NDUFAF1: variants seen among roughly 807,000 people sequenced by gnomAD.
The protein encoded by NDUFAF1 is NADH:ubiquinone oxidoreductase complex assembly factor 1.
NDUFAF1 carries 18 observed loss-of-function variants against 28.7 expected under a neutral mutation model. The observed-to-expected ratio is 0.63, with a 90% confidence interval of 0.43 to 0.93. The LOEUF is 0.93. Ranked by LOEUF, NDUFAF1 falls within the 40% of genes least tolerant of loss-of-function variation. The pLI is 0.00. For synonymous variants in NDUFAF1, 113 were observed against 139.7 expected (o/e 0.81, Z 1.35); for missense variants, 404 against 398.3 (o/e 1.01, Z -0.12).
rs571023359 is a variant in NDUFAF1, at chr15:41,402,479, A to G, written c.-417T>C. ...AGCCTATAGTGTACCTTCCGCCCAG[A>G]AGCCACTTTACCCGTATAGGTCCAT... On this transcript the variant is annotated 5_prime_UTR_variant, in exon 1 of 5. Transcript: ENST00000260361. 7.9e-6 allele frequency: 3 copies of G among 379,562 alleles called. No homozygotes were observed. The East Asian group carries it at 2.2e-4, about 28-fold the overall frequency. The allele number at this position is 379,562 out of a possible 1,614,324, so 23.5% of individuals were successfully genotyped here. A position where few individuals can be genotyped will look rare whatever the true frequency, so the allele number is the denominator to read the frequency against.
intron 1 of NDUFAF1, among the ~76,000 whole-genome samples, chr15:41,399,290 G>C (rs2050430590): frequency 6.6e-6 from 1 of 152,026 alleles, no homozygotes; most frequent in African/African-American, 2.4e-5. Flanking sequence ...CAGCTACTTG[G>C]GAGGCCTAGG....
intron 1 of NDUFAF1, 96 bp from the exon 2 acceptor site, chr15:41,397,236 CTTAT>C (rs1050244779): frequency 2.3e-5 from 14 of 610,218 alleles, no homozygotes; most frequent in African/African-American, 5.5e-5. Context: ...AGTTTGTTAA[CTTAT>C]TTGTTTACTA....
Position 41,387,548 on chromosome 15 carries a change from A to G in NDUFAF1, c.880T>C (p.Phe294Leu). 9 of 1,612,284 alleles carry G rather than the reference A, an allele frequency of 5.6e-6. No individual in the cohort carries two copies. Among genetic ancestry groups the G allele is most frequent in the Non-Finnish European group, 7.6e-6 (9 of 1,178,344 alleles). Residue 294 changes from phenylalanine to leucine, a missense_variant, in exon 5 of 5, where the codon TTC becomes CTC. Phe to Leu is a conservative substitution (Grantham distance 22). Transcript: ENST00000260361. ...FTLADKVDGP[F>L]FLEIDFIGVF... ...CCAATAAAATCTATCTCCAGGAAGA[A>G]TGGACCATCCACTTTATCAGCCAAG...
intron 3 of NDUFAF1, among the ~76,000 whole-genome samples, chr15:41,393,243 G>GC (rs1182409013): frequency 2.7e-5 from 4 of 147,892 alleles, no homozygotes; most frequent in Non-Finnish European, 5.9e-5. Flanking sequence ...TCCTGCCTCA[G>GC]CCCCCCTAGT....
At chr15:41,400,707 TTTTGG>T (rs1320764320) in intron 1 of NDUFAF1, among the ~76,000 whole-genome samples, 1 of 141,736 alleles carries the variant, frequency 7.1e-6, no homozygotes, top group East Asian at 2.1e-4. Context: ...TTTTTTTTTT[TTTTGG>T]ATTTTTAATA....
chr15:41,388,331 A>G, intron 4 of NDUFAF1, 117 bp downstream of exon 4: 1 of 810,864 alleles, frequency 1.2e-6, no homozygotes, highest in South Asian at 1.5e-5. Context: ...GTATAAGAGC[A>G]GTGGCCCTGA....
chr15:41,402,458 T>C lies in NDUFAF1; in HGVS notation c.-396A>G, dbSNP rs1295356828. The C allele has an allele frequency of 7.4e-6, 3 of 407,390 alleles. No homozygotes were observed. Among genetic ancestry groups the C allele is most frequent in the African/African-American group, 6.2e-5 (3 of 48,488 alleles). The allele number at this position is 407,390 out of a possible 1,614,324, so 25.2% of individuals were successfully genotyped here. A position where few individuals can be genotyped will look rare whatever the true frequency, so the allele number is the denominator to read the frequency against. ...CTGCCGCCGCTTACCTCCCCGAGCC[T>C]ATAGTGTACCTTCCGCCCAGAAGCC... On this transcript the variant is annotated 5_prime_UTR_variant, in exon 1 of 5. The change creates a new upstream start codon in the 5' untranslated region. Transcript: ENST00000260361.
intron 1 of NDUFAF1, among the ~76,000 whole-genome samples, chr15:41,401,122 ATTTTTG>A (rs955133784): frequency 1.0e-4 from 15 of 144,920 alleles, no homozygotes; most frequent in African/African-American, 2.6e-4. Context: ...TGCCCGGCTA[ATTTTTG>A]TTTTTGTTTT....
intron 1 of NDUFAF1, among the ~76,000 whole-genome samples, chr15:41,399,008 G>A (rs978213387): frequency 6.6e-6 from 1 of 152,054 alleles, no homozygotes; most frequent in Non-Finnish European, 1.5e-5. Context: ...GCTCACACCT[G>A]TAATCCCAGC....
intron 2 of NDUFAF1, among the ~76,000 whole-genome samples, chr15:41,395,718 A>G (rs1289763401): frequency 8.2e-6 from 1 of 121,680 alleles, no homozygotes; most frequent in Non-Finnish European, 1.6e-5. Flanking sequence ...CTTGTTGCCC[A>G]GACTGGAGTG....
At chr15:41,393,471 TAG>T (rs1778304241) in intron 3 of NDUFAF1, among the ~76,000 whole-genome samples, 1 of 151,488 alleles carries the variant, frequency 6.6e-6, no homozygotes, top group African/African-American at 2.4e-5. Context: ...ATTTTTTTAG[TAG>T]AGACGGGGTT....
At chr15:41,392,383 T>C (rs529498067) in intron 3 of NDUFAF1, among the ~76,000 whole-genome samples, 21 of 152,200 alleles carry the variant, frequency 1.4e-4, no homozygotes, top group African/African-American at 5.1e-4. Context: ...CTGGACTTTA[T>C]TCGAATTGTA....
chr15:41,397,107 C>T lies in NDUFAF1; in HGVS notation c.-48G>A. 6.5e-7 allele frequency: 1 copy of T among 1,543,952 alleles called. No homozygotes were observed. The highest frequency in any genetic ancestry group is 8.9e-7 in the Non-Finnish European group (1 of 1,122,872). ...AGTTTCTTCCTGGGCTAGCAAGGGC[C>T]ACCAAGAAGCTTCAGCAAATAGCCC... On this transcript the variant is annotated 5_prime_UTR_variant, in exon 2 of 5. Coordinates refer to ENST00000260361, the MANE Select transcript of NDUFAF1 (RefSeq NM_016013.4).
rs763975252 is a variant in NDUFAF1, at chr15:41,396,870, G to A, written c.190C>T (p.Gln64Ter). 4 of 1,613,960 alleles carry A rather than the reference G, an allele frequency of 2.5e-6. No homozygotes were observed. In the Admixed American group the frequency reaches 5.0e-5, roughly 20 times the overall value. ...KTEGDLQGDH[Q>*]KEVALDITSS... ...GTTATATCCAAAGCAACTTCTTTCT[G>A]GTGATCTCCTTGCAAATCCCCTTCA... The change falls in exon 2 of 5, where the codon CAG becomes TAG. Residue 64 changes from glutamine (Q) to a stop codon, truncating the protein, a stop_gained. Coordinates refer to ENST00000260361, the MANE Select transcript of NDUFAF1 (RefSeq NM_016013.4). LOFTEE classifies it high-confidence loss of function.
chr15:41,394,259 C>T, intron 3 of NDUFAF1: 1 of 755,842 alleles, frequency 1.3e-6, no homozygotes, highest in Non-Finnish European at 2.0e-6. Flanking sequence ...GTGTCGAACT[C>T]CCAACCTCAA....
At chr15:41,388,644 A>T in intron 3 of NDUFAF1, 122 bp from the exon 4 acceptor site, 1 of 704,290 alleles carries the variant, frequency 1.4e-6, no homozygotes, top group Non-Finnish European at 2.5e-6. Context: ...GTATTATGAC[A>T]AATGGCTAGC....
chr15:41,394,728 A>G (rs1477129879), intron 3 of NDUFAF1, 131 bp downstream of exon 3: 3 of 829,254 alleles, frequency 3.6e-6, no homozygotes, highest in Non-Finnish European at 5.8e-6. Flanking sequence ...ATGTTGGCCA[A>G]CCTGGTCTCG....
At chr15:41,396,195 A>T (rs2050384396) in intron 2 of NDUFAF1, among the ~76,000 whole-genome samples, 1 of 152,066 alleles carries the variant, frequency 6.6e-6, no homozygotes, top group African/African-American at 2.4e-5. Context: ...TCTCTCCAAA[A>T]ATCTTTCAAA....
intron 1 of NDUFAF1, among the ~76,000 whole-genome samples, chr15:41,399,142 T>A (rs2050429224): frequency 6.6e-6 from 1 of 152,024 alleles, no homozygotes; most frequent in Non-Finnish European, 1.5e-5. Context: ...GGCTCATGCC[T>A]GTAATCCCAA....
Sources: gnomAD v4.1 joint callset for allele counts (sites outside exome capture counted in the v4.1 genomes callset) on GRCh38, gnomAD v4.1.1 for gene constraint, MANE v1.5 for transcripts, NCBI Gene and HGNC (gene_info 2026-07-23, HGNC 2026-07-21) for gene names.